The following ZNF503 variants were observed in gnomAD, a reference collection of about 807,000 sequenced individuals.
ZNF503 encodes the protein zinc finger protein 503, also known as NocA-like zinc finger 2.
Under a neutral mutation model 34.4 loss-of-function variants are expected in ZNF503, and 15 were observed. The ratio of observed to expected loss-of-function variants is 0.44; its 90% CI spans 0.29 to 0.67. ZNF503 has a LOEUF of 0.67. ZNF503 is among the 30% of genes least tolerant of loss of function. The pLI is 0.13. For synonymous variants in ZNF503, 580 were observed against 456.8 expected (o/e 1.27, Z -3.44); for missense variants, 1,007 against 926.8 (o/e 1.09, Z -1.12).
chr10:75,287,308 A>G, the ZNF503 span, among the ~76,000 whole-genome samples: 4 of 151,948 alleles, frequency 2.6e-5, no homozygotes, highest in Non-Finnish European at 5.9e-5. Context: ...GTCTCTCCCC[A>G]CTACAGGCTT....
the ZNF503 span, among the ~76,000 whole-genome samples, chr10:75,309,687 C>T: frequency 6.6e-6 from 1 of 152,128 alleles, no homozygotes; most frequent in Admixed American, 6.5e-5. Flanking sequence ...AAATTAATGT[C>T]TTGCTTTACT....
At chr10:75,362,337 G>T in the ZNF503 span, among the ~76,000 whole-genome samples, 1 of 152,106 alleles carries the variant, frequency 6.6e-6, no homozygotes, top group South Asian at 2.1e-4. Context: ...GCCCCAAAAG[G>T]GGGGCGGTAC....
chr10:75,317,264 C>CTTTTT, the ZNF503 span, among the ~76,000 whole-genome samples: 18 of 74,764 alleles, frequency 2.4e-4, no homozygotes, highest in Non-Finnish European at 3.1e-4. Flanking sequence ...CATCCCACGT[C>CTTTTT]TTTTTTTTTT....
At chr10:75,294,049 A>G in the ZNF503 span, among the ~76,000 whole-genome samples, 18 of 152,194 alleles carry the variant, frequency 1.2e-4, no homozygotes, top group African/African-American at 4.3e-4. Flanking sequence ...TAGAGGCTCA[A>G]TCCTAAAAAA....
chr10:75,289,555 T>C, the ZNF503 span, among the ~76,000 whole-genome samples: 1 of 152,298 alleles, frequency 6.6e-6, no homozygotes, highest in South Asian at 2.1e-4. Context: ...TGTGGTAAAG[T>C]ACACATAACA....
At chr10:75,397,507 T>G (rs781207630), downstream of ZNF503, among the ~76,000 whole-genome samples, 10 of 152,138 alleles carry the variant, frequency 6.6e-5, no homozygotes, top group Non-Finnish European at 1.2e-4. Flanking sequence ...GGAGGGAAAT[T>G]TAACAAAAAC....
At chr10:75,382,470 A>C in the ZNF503 span, 1 of 679,926 alleles carries the variant, frequency 1.5e-6, no homozygotes. Flanking sequence ...GTGTGTCCCC[A>C]GAAGGCAGCC....
At chr10:75,314,876 C>G in the ZNF503 span, among the ~76,000 whole-genome samples, 1 of 152,052 alleles carries the variant, frequency 6.6e-6, no homozygotes, top group Non-Finnish European at 1.5e-5. Flanking sequence ...CCAGACCTGC[C>G]TTACAAAAAA....
the ZNF503 span, among the ~76,000 whole-genome samples, chr10:75,319,417 A>G: frequency 4.1e-3 from 625 of 152,348 alleles, 8 homozygotes; most frequent in African/African-American, 0.015. Flanking sequence ...AACTGGTACA[A>G]TGACAACATA....
the ZNF503 span, among the ~76,000 whole-genome samples, chr10:75,285,944 T>C: frequency 1.3e-5 from 2 of 152,040 alleles, no homozygotes; most frequent in African/African-American, 4.8e-5. Context: ...CTCATTTGTA[T>C]CGGGTGGGCT....
At chr10:75,348,543 G>A in the ZNF503 span, among the ~76,000 whole-genome samples, 6 of 88,770 alleles carry the variant, frequency 6.8e-5, no homozygotes, top group Admixed American at 1.5e-4. Context: ...ACAGAGTCTT[G>A]TTCTGTTGCC....
At chr10:75,310,421 A>G in the ZNF503 span, among the ~76,000 whole-genome samples, 9 of 152,218 alleles carry the variant, frequency 5.9e-5, no homozygotes, top group East Asian at 1.7e-3. Flanking sequence ...ACAAAAGCCT[A>G]CTCTTTCCAG....
the ZNF503 span, among the ~76,000 whole-genome samples, chr10:75,359,933 C>T: frequency 6.6e-6 from 1 of 151,980 alleles, no homozygotes; most frequent in African/African-American, 2.4e-5. Flanking sequence ...ACTTCAGGCC[C>T]CTATTGTCTC....
the ZNF503 span, among the ~76,000 whole-genome samples, chr10:75,335,347 C>T: frequency 6.6e-6 from 1 of 152,288 alleles, no homozygotes; most frequent in East Asian, 1.9e-4. Flanking sequence ...AGTGACACAT[C>T]CTTAATAGGC....
At chr10:75,348,050 TTTTTG>T in the ZNF503 span, among the ~76,000 whole-genome samples, 4 of 151,792 alleles carry the variant, frequency 2.6e-5, no homozygotes, top group Non-Finnish European at 5.9e-5. Flanking sequence ...ACCTGGCTAA[TTTTTG>T]TTTTCTTTTC....
chr10:75,395,531 A>T (rs1843687041), downstream of ZNF503, among the ~76,000 whole-genome samples: 1 of 151,958 alleles, frequency 6.6e-6, no homozygotes, highest in South Asian at 2.1e-4. This position sits in a 1 kb window ranked among gnomAD's most constrained non-coding sequence, Gnocchi z 4.4. Context: ...TCCAGCCGCC[A>T]GCCGGCGCGC....
Position 75,401,222 on chromosome 10 carries a change from C to A in ZNF503, c.198G>T (p.Leu66=), listed in dbSNP as rs773928868. ...FVHAVPPSDP[L]RQANRLPIKV... ...TGATTGGCAGGCGGTTGGCCTGGCG[C>A]AGGGGGTCAGAGGGGGGCACGGCGT... The change falls in exon 1 of 2, where the codon CTG becomes CTT. Residue 66 remains leucine (L), a synonymous_variant. Coordinates refer to ENST00000372524, the MANE Select transcript of ZNF503 (RefSeq NM_032772.6). The A allele has an allele frequency of 6.2e-7, 1 of 1,607,788 alleles. No individual in the cohort carries two copies. Among genetic ancestry groups the A allele is most frequent in the Non-Finnish European group, 8.5e-7 (1 of 1,176,624 alleles).
At chr10:75,294,627 G>C in the ZNF503 span, among the ~76,000 whole-genome samples, 8 of 151,900 alleles carry the variant, frequency 5.3e-5, no homozygotes, top group African/African-American at 1.9e-4. Context: ...CTTGACCTCT[G>C]AGAGGCCCTG....
chr10:75,310,428 C>T, the ZNF503 span, among the ~76,000 whole-genome samples: 1 of 152,154 alleles, frequency 6.6e-6, no homozygotes, highest in African/African-American at 2.4e-5. Flanking sequence ...CCTACTCTTT[C>T]CAGTCAAAGG....
Sources: allele counts gnomAD v4.1 joint callset (sites outside exome capture counted in the v4.1 genomes callset), GRCh38; gene constraint gnomAD v4.1.1; non-coding constraint Gnocchi (gnomAD v3.1); transcripts MANE v1.5; gene names NCBI Gene and HGNC (gene_info 2026-07-23, HGNC 2026-07-21).